The following SAMD4A variants were observed in gnomAD, a reference collection of about 807,000 sequenced individuals.
The protein encoded by SAMD4A is sterile alpha motif domain containing 4A, also known as protein Smaug homolog 1.
In SAMD4A, 33 loss-of-function variants were observed where a neutral mutation model predicts 81.3. That is an observed-to-expected ratio of 0.41 (90% confidence interval 0.31 to 0.54). The LOEUF (loss-of-function observed/expected upper bound fraction) is 0.54. Among genes scored for constraint, SAMD4A ranks in the 20% least tolerant of loss-of-function variants. The pLI is 0.37. For missense variants in SAMD4A, 854 were observed against 951.1 expected, an observed-to-expected ratio of 0.90 and a Z score of 1.34; for synonymous variants, 389 against 382.1, an observed-to-expected ratio of 1.02 and a Z score of -0.21.
At chr14:54,757,201 C>T (rs763066528) in intron 6 of SAMD4A, among the ~76,000 whole-genome samples, 9 of 152,172 alleles carry the variant, frequency 5.9e-5, no homozygotes, top group Non-Finnish European at 1.3e-4. Context: ...ACCTGATGAT[C>T]ACAGTGCCAT....
At chr14:54,622,558 C>T (rs964348599) in intron 2 of SAMD4A, among the ~76,000 whole-genome samples, 1 of 152,008 alleles carries the variant, frequency 6.6e-6, no homozygotes, top group African/African-American at 2.4e-5. Flanking sequence ...CCCAGGCCTC[C>T]GTAGAAAGAG....
At chr14:54,700,508 T>G (rs2036687865) in intron 2 of SAMD4A, among the ~76,000 whole-genome samples, 1 of 152,222 alleles carries the variant, frequency 6.6e-6, no homozygotes, top group South Asian at 2.1e-4. Context: ...TAACTGGGCT[T>G]GTTTTGTTAT....
At chr14:54,686,006 T>C (rs2036258581) in intron 2 of SAMD4A, 6 of 392,546 alleles carry the variant, frequency 1.5e-5, no homozygotes, top group Non-Finnish European at 3.1e-5. Flanking sequence ...AAAGGTCCTA[T>C]GTAGTCTCAG....
intron 2 of SAMD4A, chr14:54,681,837 T>C: frequency 1.0e-6 from 1 of 985,360 alleles, no homozygotes; most frequent in Non-Finnish European, 1.2e-6. Flanking sequence ...AAGTAAGAAT[T>C]GGAACTCTCC....
intron 2 of SAMD4A, among the ~76,000 whole-genome samples, chr14:54,600,944 T>C (rs1194018254): frequency 1.3e-5 from 2 of 152,218 alleles, no homozygotes; most frequent in Non-Finnish European, 2.9e-5. Flanking sequence ...GCTATGCCTT[T>C]AGTGAGCTGC....
chr14:54,762,445 G>A, intron 7 of SAMD4A, among the ~76,000 whole-genome samples: 1 of 152,184 alleles, frequency 6.6e-6, no homozygotes, highest in East Asian at 1.9e-4. Context: ...TAGTAATCTG[G>A]TGGAGGAGAT....
chr14:54,677,763 A>C (rs1469448856), intron 2 of SAMD4A, among the ~76,000 whole-genome samples: 1 of 152,204 alleles, frequency 6.6e-6, no homozygotes, highest in Non-Finnish European at 1.5e-5. Context: ...TAGTCTTATA[A>C]AACATAGTAA....
At chr14:54,620,474 C>T (rs552003593) in intron 2 of SAMD4A, among the ~76,000 whole-genome samples, 119 of 152,246 alleles carry the variant, frequency 7.8e-4, no homozygotes, top group African/African-American at 2.5e-3. Context: ...CATTCCTTCC[C>T]GCTCACATGG....
chr14:54,571,280 T>G (rs1034498396), intron 2 of SAMD4A, among the ~76,000 whole-genome samples: 2 of 152,174 alleles, frequency 1.3e-5, no homozygotes, highest in Non-Finnish European at 2.9e-5. Flanking sequence ...TTTGTATGTG[T>G]TTTTCTTTTA....
chr14:54,721,215 G>T (rs534609656), intron 3 of SAMD4A, among the ~76,000 whole-genome samples: 6 of 152,256 alleles, frequency 3.9e-5, no homozygotes, highest in South Asian at 2.1e-4. Context: ...GCATTCCATT[G>T]TCTAAAACTC....
intron 2 of SAMD4A, among the ~76,000 whole-genome samples, chr14:54,602,817 G>A (rs1046650431): frequency 4.7e-5 from 7 of 148,682 alleles, no homozygotes; most frequent in East Asian, 2.0e-4. Flanking sequence ...AAAGACATTC[G>A]CCTTCTTACA....
intron 2 of SAMD4A, among the ~76,000 whole-genome samples, chr14:54,692,275 T>A (rs1228931063): frequency 3.9e-5 from 6 of 152,156 alleles, no homozygotes; most frequent in Non-Finnish European, 8.8e-5. Context: ...CTTCCTGAGG[T>A]GTATAAACCT....
rs967101601 is a variant in SAMD4A, at chr14:54,639,508, G to A, written c.197-62554G>A. Among the ~76,000 whole-genome samples, 9 of 152,164 alleles carry A rather than the reference G, an allele frequency of 5.9e-5. No homozygotes were observed. The East Asian group carries it at 7.7e-4, about 13-fold the overall frequency. On this transcript the variant is annotated intron_variant, in intron 2 of 12. Coordinates refer to ENST00000554335, the MANE Select transcript of SAMD4A (RefSeq NM_015589.6). ...AGGAAGGCAACCAGCCTCACAAGTG[G>A]GGGCCACTCCTCACAGCCACGAGCA...
At chr14:54,676,586 T>C (rs1305767384) in intron 2 of SAMD4A, among the ~76,000 whole-genome samples, 1 of 152,176 alleles carries the variant, frequency 6.6e-6, no homozygotes, top group Non-Finnish European at 1.5e-5. Flanking sequence ...TTTCACCATG[T>C]TGGCAAGGCT....
intron 9 of SAMD4A, among the ~76,000 whole-genome samples, chr14:54,772,089 T>C (rs2038721723): frequency 6.6e-6 from 1 of 152,236 alleles, no homozygotes; most frequent in Admixed American, 6.5e-5. Flanking sequence ...GGGATCTTTT[T>C]GTGCTATTAA....
chr14:54,568,272 C>T (rs1276991648), intron 2 of SAMD4A, among the ~76,000 whole-genome samples, 160 bp downstream of exon 2: 4 of 146,626 alleles, frequency 2.7e-5, no homozygotes, highest in Non-Finnish European at 6.0e-5. Flanking sequence ...CTCCGGGTGT[C>T]CCCCCACTAC....
At chr14:54,657,963 G>T (rs1475378445) in intron 2 of SAMD4A, among the ~76,000 whole-genome samples, 2 of 152,172 alleles carry the variant, frequency 1.3e-5, no homozygotes, top group African/African-American at 4.8e-5. Context: ...GGACCTTGTA[G>T]TCAAGAATGT....
rs1555347541 is a variant in SAMD4A at position 54,724,012 on chromosome 14, G to GGAAGGAA, written c.716-13010_716-13004dup. 7.0e-4 allele frequency among the ~76,000 whole-genome samples: 99 copies of GGAAGGAA among 141,598 alleles called. 1 individual carries two copies. In the East Asian group the frequency reaches 7.3e-3, roughly 10 times the overall value. 92.9% of individuals were successfully genotyped at this position (141,598 alleles called of 152,430 possible). On this transcript the variant is annotated intron_variant, in intron 3 of 12. Transcript: ENST00000554335. Reference sequence around the variant, plus strand: ...ATATTGGATGGATGGATGGATGGAAGGAAGGAAGGAAGGAAGGAAGGAAGG... The same window carrying GGAAGGAA: ...ATATTGGATGGATGGATGGATGGAAGGAAGGAAGAAGGAAGGAAGGAAGGAAGGAAGG...
intron 2 of SAMD4A, among the ~76,000 whole-genome samples, chr14:54,697,862 A>G (rs1337168926): frequency 6.6e-6 from 1 of 152,194 alleles, no homozygotes; most frequent in Non-Finnish European, 1.5e-5. Context: ...ATGGCTGGCA[A>G]CTTGGTGCTA....
Sources: allele counts gnomAD v4.1 joint callset (sites outside exome capture counted in the v4.1 genomes callset), GRCh38; gene constraint gnomAD v4.1.1; transcripts MANE v1.5; gene names NCBI Gene and HGNC (gene_info 2026-07-23, HGNC 2026-07-21).